The following NELL1 variants were observed in gnomAD, a reference collection of about 807,000 sequenced individuals.
The protein encoded by NELL1 is neural EGFL like 1, also known as protein kinase C-binding protein NELL1.
NELL1 carries 76 observed loss-of-function variants against 107.4 expected under a neutral mutation model. That is an observed-to-expected ratio of 0.71 (90% CI 0.59 to 0.86). NELL1 has a LOEUF of 0.86. NELL1 is among the 40% of genes least tolerant of loss of function. NELL1 has a pLI of 0.00. For missense variants in NELL1, 1,024 were observed against 1,005.5 expected (o/e 1.02, Z -0.25); for synonymous variants, 353 against 341.2 (o/e 1.03, Z -0.38).
intron 7 of NELL1, among the ~76,000 whole-genome samples, chr11:20,923,556 T>C (rs1850426714): frequency 6.6e-6 from 1 of 152,152 alleles, no homozygotes; most frequent in Non-Finnish European, 1.5e-5. Context: ...GGTTTTGACA[T>C]TGTGGGAACT....
intron 1 of NELL1, chr11:20,670,540 C>G (rs1416220291): frequency 1.3e-5 from 2 of 152,216 alleles, no homozygotes; most frequent in African/African-American, 2.4e-5. Context: ...GTTCTGCCTC[C>G]GGAGACGCAG....
chr11:20,754,499 G>T (rs2133948879), intron 2 of NELL1, among the ~76,000 whole-genome samples: 1 of 152,092 alleles, frequency 6.6e-6, no homozygotes, highest in South Asian at 2.1e-4. Flanking sequence ...AAATGTTTAG[G>T]TCACCTGCTC....
chr11:21,244,166 A>T (rs896322790), intron 14 of NELL1, among the ~76,000 whole-genome samples: 4 of 152,276 alleles, frequency 2.6e-5, no homozygotes, highest in Middle Eastern at 3.4e-3. Context: ...TTTTACTAAG[A>T]TAAGAGAGTA....
intron 5 of NELL1, among the ~76,000 whole-genome samples, chr11:20,892,322 A>G (rs12799160): frequency 6.6e-6 from 1 of 152,230 alleles, no homozygotes; most frequent in South Asian, 2.1e-4. Flanking sequence ...ACCAATGAGA[A>G]CAAAGAGACA....
intron 2 of NELL1, among the ~76,000 whole-genome samples, chr11:20,721,349 T>C (rs893167819): frequency 2.6e-5 from 4 of 151,814 alleles, no homozygotes; most frequent in African/African-American, 9.7e-5. Context: ...AACCCTCAAA[T>C]CTCAGTGACA....
intron 2 of NELL1, among the ~76,000 whole-genome samples, chr11:20,737,948 C>G (rs1855799642): frequency 6.7e-6 from 1 of 149,690 alleles, no homozygotes; most frequent in Admixed American, 6.7e-5. Context: ...GTTATTCTTC[C>G]ATACTAGATA....
intron 3 of NELL1, among the ~76,000 whole-genome samples, chr11:20,798,551 A>G (rs1029635249): frequency 5.3e-5 from 8 of 152,226 alleles, no homozygotes; most frequent in African/African-American, 1.2e-4. Flanking sequence ...GTTGTGAAAC[A>G]CTTGCATTTC....
chr11:20,693,892 G>C (rs148037133), intron 2 of NELL1, among the ~76,000 whole-genome samples: 5,053 of 152,156 alleles, frequency 0.033, 274 homozygotes, highest in African/African-American at 0.12. Context: ...TTCCAACTTG[G>C]TTCCATTCTC....
intron 4 of NELL1, among the ~76,000 whole-genome samples, chr11:20,875,990 C>T (rs181632626): frequency 3.3e-5 from 5 of 152,274 alleles, no homozygotes; most frequent in Admixed American, 6.5e-5. Context: ...GTGTTGACAC[C>T]CTGCTCTCAA....
intron 12 of NELL1, among the ~76,000 whole-genome samples, chr11:21,068,325 A>G (rs887822640): frequency 1.3e-5 from 2 of 152,150 alleles, no homozygotes; most frequent in African/African-American, 4.8e-5. Context: ...CATTCTCTCC[A>G]TTTTAGAAAT....
Position 21,309,284 on chromosome 11 carries a change from A to ATATATATATATATG in NELL1, c.1550-61556_1550-61555insGTATATATATATAT, listed in dbSNP as rs1565160420. ...TGTATATATATATATATATATGTAT[A>ATATATATATATATG]TATATATATATATATGTATATATAT... is the stretch of plus-strand genomic sequence containing the variant. On this transcript the variant is annotated intron_variant, in intron 14 of 19. Transcript: ENST00000357134. Among the ~76,000 whole-genome samples, 11 of 62,782 alleles carry ATATATATATATATG rather than the reference A, an allele frequency of 1.8e-4. 1 individual carries two copies. Among genetic ancestry groups the ATATATATATATATG allele is most frequent in the African/African-American group, 9.7e-4 (8 of 8,244 alleles). 41.2% of individuals were successfully genotyped at this position (62,782 alleles called of 152,430 possible). A position where few individuals can be genotyped will look rare whatever the true frequency, so the allele number is the denominator to read the frequency against.
intron 12 of NELL1, among the ~76,000 whole-genome samples, chr11:21,063,453 C>A (rs1223836716): frequency 6.6e-6 from 1 of 152,170 alleles, no homozygotes; most frequent in African/African-American, 2.4e-5. Context: ...AAATCCCAAC[C>A]CTCTAATTAT....
chr11:21,020,364 A>G (rs1001669745), intron 12 of NELL1, among the ~76,000 whole-genome samples: 1 of 152,124 alleles, frequency 6.6e-6, no homozygotes, highest in Non-Finnish European at 1.5e-5. Context: ...AAGTGCTCTA[A>G]GTGAACTCAC....
chr11:20,779,194 C>A lies in NELL1; in HGVS notation c.185-4486C>A, dbSNP rs61880392. Among the ~76,000 whole-genome samples, 946 of 152,064 alleles carry A rather than the reference C, an allele frequency of 6.2e-3. 6 individuals are homozygous for A. Among genetic ancestry groups the A allele is most frequent in the Non-Finnish European group, 9.7e-3 (661 of 67,994 alleles). On this transcript the variant is annotated intron_variant, in intron 2 of 19. Transcript: ENST00000357134. ...TTTCTCAAGGATAGTATATGTGGGG[C>A]CAGAATGGAAATGAAATGGATGTCA...
At chr11:20,905,699 A>C (rs1273995732) in intron 5 of NELL1, among the ~76,000 whole-genome samples, 2 of 152,144 alleles carry the variant, frequency 1.3e-5, no homozygotes, top group African/African-American at 4.8e-5. Context: ...TGAGTAATGG[A>C]ACTTAAAGAT....
chr11:21,420,755 C>A (rs1590919435), intron 15 of NELL1, among the ~76,000 whole-genome samples: 1 of 152,134 alleles, frequency 6.6e-6, no homozygotes, highest in South Asian at 2.1e-4. Flanking sequence ...GCACCAGACA[C>A]AACAAAAAGC....
intron 3 of NELL1, among the ~76,000 whole-genome samples, chr11:20,785,467 A>G (rs1590291893): frequency 6.6e-6 from 1 of 152,210 alleles, no homozygotes; most frequent in African/African-American, 2.4e-5. Context: ...TCACAACCCT[A>G]CCTTGCCCTA....
intron 13 of NELL1, among the ~76,000 whole-genome samples, chr11:21,167,479 T>C (rs7943050): frequency 0.78 from 118,122 of 151,584 alleles, 46,267 homozygotes; most frequent in Admixed American, 0.83. Context: ...TTCCCAAATA[T>C]CAAGGATGAA....
At chr11:20,830,519 G>A (rs1297351474) in intron 3 of NELL1, among the ~76,000 whole-genome samples, 1 of 151,850 alleles carries the variant, frequency 6.6e-6, no homozygotes, top group Non-Finnish European at 1.5e-5. Flanking sequence ...TGTATTTTTA[G>A]TAGAGACAGG....
Sources: allele counts gnomAD v4.1 joint callset (sites outside exome capture counted in the v4.1 genomes callset), GRCh38; gene constraint gnomAD v4.1.1; transcripts MANE v1.5; gene names NCBI Gene and HGNC (gene_info 2026-07-23, HGNC 2026-07-21).